Variants in PLAGL1 observed in about 807,000 individuals in gnomAD.
PLAGL1 encodes PLAG1 like zinc finger 1, also known as zinc finger protein PLAGL1.
PLAGL1 carries 1 observed loss-of-function variant against 4.6 expected under a neutral mutation model. The observed-to-expected ratio is 0.22, with a 90% CI of 0.08 to 1.03. The LOEUF (loss-of-function observed/expected upper bound fraction) is 1.03, where lower values mean the gene tolerates loss of function less well. PLAGL1 is among the 50% of genes least tolerant of loss of function. The pLI, the probability that PLAGL1 is intolerant of heterozygous loss-of-function variation, is 0.58. For synonymous variants in PLAGL1, 240 were observed against 237.8 expected, an observed-to-expected ratio of 1.01 and a Z score of -0.08; for missense variants, 464 against 570.4, an observed-to-expected ratio of 0.81 and a Z score of 1.90.
chr6:144,037,742 C>T (rs1227453486), intron 1 of PLAGL1: 1 of 152,094 alleles, frequency 6.6e-6, no homozygotes, highest in Non-Finnish European at 1.5e-5. Context: ...TATTTACTGT[C>T]TTTGTTTACA....
At chr6:144,049,876 GTGC>G (rs1266904462) in intron 1 of PLAGL1, among the ~76,000 whole-genome samples, 1 of 152,124 alleles carries the variant, frequency 6.6e-6, no homozygotes, top group Non-Finnish European at 1.5e-5. Flanking sequence ...TTTATCCTTC[GTGC>G]TGCGTAGCTT....
intron 1 of PLAGL1, among the ~76,000 whole-genome samples, chr6:144,019,846 T>G (rs1030267242): frequency 2.6e-5 from 4 of 151,720 alleles, no homozygotes; most frequent in Non-Finnish European, 5.9e-5. Context: ...ATTATGATGT[T>G]CCTTTATTCA....
intron 1 of PLAGL1, among the ~76,000 whole-genome samples, chr6:144,051,669 C>T (rs1053389781): frequency 6.6e-6 from 1 of 152,190 alleles, no homozygotes; most frequent in African/African-American, 2.4e-5. Context: ...AATGGACTTA[C>T]AGTTCCACAT....
At chr6:144,046,014 C>T (rs1161738223) in intron 1 of PLAGL1, among the ~76,000 whole-genome samples, 1 of 152,160 alleles carries the variant, frequency 6.6e-6, no homozygotes, top group Non-Finnish European at 1.5e-5. Flanking sequence ...AGTTCTTGTG[C>T]CATGGTTTTC....
chr6:143,988,623 T>C (rs1454433843), intron 1 of PLAGL1, among the ~76,000 whole-genome samples: 1 of 152,222 alleles, frequency 6.6e-6, no homozygotes, highest in Non-Finnish European at 1.5e-5. Context: ...TCAGTTCAGG[T>C]TGTAATAACA....
At chr6:143,981,129 G>C (rs1787841815) in intron 2 of PLAGL1, among the ~76,000 whole-genome samples, 1 of 152,032 alleles carries the variant, frequency 6.6e-6, no homozygotes, top group Non-Finnish European at 1.5e-5. Flanking sequence ...TTACTTTTAA[G>C]ATTTTTTAGG....
Position 143,952,639 on chromosome 6 carries a change from T to G in PLAGL1, c.-324-4179A>C, listed in dbSNP as rs546638162. ...CCCAGGGGACAGGGGTATACGAGGG[T>G]GGAGGGGGGAGTCAGAACACAACTG... is the stretch of plus-strand genomic sequence containing the variant. On this transcript the variant is annotated intron_variant, in intron 6 of 7. Transcript: ENST00000674357. This position sits in a 1 kb window ranked among gnomAD's most constrained non-coding sequence, Gnocchi z 6.1. Among the ~76,000 whole-genome samples the G allele has an allele frequency of 2.6e-5, 4 of 152,034 alleles. No homozygotes were observed. The highest frequency in any genetic ancestry group is 1.3e-4 in the Admixed American group (2 of 15,266).
intron 1 of PLAGL1, among the ~76,000 whole-genome samples, chr6:144,043,044 A>G (rs1797859149): frequency 6.6e-6 from 1 of 152,168 alleles, no homozygotes; most frequent in Non-Finnish European, 1.5e-5. Flanking sequence ...GACTTTGCTG[A>G]AGTTGCTTAT....
chr6:143,940,506 C>A lies in PLAGL1; in HGVS notation c.*918G>T, dbSNP rs563141520. 6 of 152,164 alleles carry A rather than the reference C, an allele frequency of 3.9e-5. No homozygotes were observed. Among genetic ancestry groups the A allele is most frequent in the Non-Finnish European group, 5.9e-5 (4 of 68,006 alleles). The allele number at this position is 152,164 out of a possible 1,614,324, so 9.4% of individuals were successfully genotyped here. The stretch of plus-strand genomic sequence containing the variant: ...AATAATGACTGATGAATTACAAATG[C>A]ACTTATTTATTGGTGATTACAAACA... On this transcript the variant is annotated 3_prime_UTR_variant, in exon 8 of 8. Transcript: ENST00000674357.
upstream of PLAGL1, among the ~76,000 whole-genome samples, chr6:144,009,670 CCCCCCACTCCCCAACAGG>C (rs995182975): frequency 6.6e-6 from 1 of 152,000 alleles, no homozygotes; most frequent in African/African-American, 2.4e-5. Flanking sequence ...ACCCCACTAG[CCCCCCACTCCCCAACAGG>C]CCCCAGTGTG....
rs1780050088 is a variant in PLAGL1, at chr6:143,947,555, T to G, written c.152+430A>C. Among the ~76,000 whole-genome samples the G allele has an allele frequency of 6.6e-6, 1 of 152,214 alleles. No homozygotes were observed. Among genetic ancestry groups the G allele is most frequent in the African/African-American group, 2.4e-5 (1 of 41,450 alleles). On this transcript the variant is annotated intron_variant, in intron 7 of 7. Coordinates refer to ENST00000674357, the MANE Select transcript of PLAGL1 (RefSeq NM_001317162.2). The surrounding 1 kb of genome is among the most constrained non-coding windows in gnomAD (Gnocchi z 4.3). ...CACATGGGTGCTTTAAGGCCAAGAC[T>G]TATGGCTTTCCCAGAACCTCCTCTC...
In PLAGL1 at chr6:143,978,195, A is replaced by G. The variant is rs1435848514; in HGVS notation, c.-544+6940T>C. ...TTTGTTGATTTCCGCTCTAATTTTC[A>G]GTATTTACTTTCTTCTGCTCACTGC... On this transcript the variant is annotated intron_variant, in intron 2 of 7. Transcript: ENST00000674357. This position sits in a 1 kb window ranked among gnomAD's most constrained non-coding sequence, Gnocchi z 4.6. Among the ~76,000 whole-genome samples the G allele has an allele frequency of 6.6e-6, 1 of 151,946 alleles. No homozygotes were observed. The highest frequency in any genetic ancestry group is 1.5e-5 in the Non-Finnish European group (1 of 67,982).
chr6:143,982,578 C>A lies in PLAGL1; in HGVS notation c.-544+2557G>T, dbSNP rs1409724744. Among the ~76,000 whole-genome samples the A allele has an allele frequency of 6.6e-6, 1 of 152,044 alleles. No individual in the cohort carries two copies. The highest frequency in any genetic ancestry group is 1.5e-5 in the Non-Finnish European group (1 of 68,006). ...GAATTCTAGGGGAGAAAGTATGAAA[C>A]CAGGGAGACCAGTTAGAAGGCTACT... is the stretch of plus-strand genomic sequence containing the variant. On this transcript the variant is annotated intron_variant, in intron 2 of 7. Transcript: ENST00000674357. This position sits in a 1 kb window ranked among gnomAD's most constrained non-coding sequence, Gnocchi z 5.3.
chr6:143,999,279 C>T (rs1354085655), intron 1 of PLAGL1, among the ~76,000 whole-genome samples: 3 of 152,082 alleles, frequency 2.0e-5, no homozygotes, highest in Non-Finnish European at 4.4e-5. Context: ...AGGATTGATC[C>T]TAATTGACCC....
Position 144,058,823 on chromosome 6 carries a change from G to T in PLAGL1, c.-151+5645C>A, listed in dbSNP as rs114189941. On this transcript the variant is annotated intron_variant, in intron 1 of 3. Transcript: ENST00000437412. Reference sequence around the variant, plus strand: ...GAGTAGACCCCCAAGACCTTAGGAAGCTCTGCCCCTGTAGCTTTGCATGGT... The same window carrying T: ...GAGTAGACCCCCAAGACCTTAGGAATCTCTGCCCCTGTAGCTTTGCATGGT... Among the ~76,000 whole-genome samples the T allele has an allele frequency of 5.1e-3, 772 of 152,294 alleles. 7 individuals are homozygous for T. Among genetic ancestry groups the T allele is most frequent in the African/African-American group, 0.018 (737 of 41,564 alleles).
intron 1 of PLAGL1, among the ~76,000 whole-genome samples, chr6:144,037,452 A>T (rs1797328401): frequency 6.7e-6 from 1 of 149,120 alleles, no homozygotes; most frequent in African/African-American, 2.5e-5. Flanking sequence ...GCTGGGTGTG[A>T]CAGTGTGCAC....
upstream of PLAGL1, among the ~76,000 whole-genome samples, chr6:144,012,493 T>C (rs1396980195): frequency 1.3e-5 from 2 of 152,170 alleles, no homozygotes; most frequent in Non-Finnish European, 2.9e-5. The surrounding 1 kb of genome is among the most constrained non-coding windows in gnomAD (Gnocchi z 4.8). Context: ...TGTCTCAGTC[T>C]CCCAAAGTGC....
chr6:144,025,046 AG>A (rs1000201614), intron 1 of PLAGL1, among the ~76,000 whole-genome samples: 1 of 152,112 alleles, frequency 6.6e-6, no homozygotes, highest in Non-Finnish European at 1.5e-5. Flanking sequence ...TACATTATAG[AG>A]GGGGGAGGGG....
upstream of PLAGL1, among the ~76,000 whole-genome samples, chr6:144,010,135 A>C (rs976120731): frequency 1.3e-5 from 2 of 152,172 alleles, no homozygotes; most frequent in Admixed American, 1.3e-4. The surrounding 1 kb of genome is among the most constrained non-coding windows in gnomAD (Gnocchi z 4.1). Flanking sequence ...ACTCCCACCA[A>C]CAGCGTAAAA....
Sources: gnomAD v4.1 joint callset for allele counts (sites outside exome capture counted in the v4.1 genomes callset) on GRCh38, gnomAD v4.1.1 for gene constraint, Gnocchi (gnomAD v3.1) non-coding constraint, MANE v1.5 for transcripts, NCBI Gene and HGNC (gene_info 2026-07-23, HGNC 2026-07-21) for gene names.